Variants in ZZZ3 observed in about 807,000 individuals in gnomAD.
ZZZ3 encodes zinc finger ZZ-type containing 3, also known as ZZ-type zinc finger-containing protein 3.
ZZZ3 carries 22 observed loss-of-function variants against 95.2 expected under a neutral mutation model. The observed-to-expected ratio is 0.23, with a 90% confidence interval of 0.17 to 0.33. The LOEUF is 0.33. Ranked by LOEUF, ZZZ3 falls within the 10% of genes least tolerant of loss-of-function variation. The pLI is 1.00. For missense variants in ZZZ3, 885 were observed against 1,066.5 expected, an observed-to-expected ratio of 0.83 and a Z score of 2.37; for synonymous variants, 335 against 358.9, an observed-to-expected ratio of 0.93 and a Z score of 0.75.
intron 1 of ZZZ3, among the ~76,000 whole-genome samples, chr1:77,669,454 G>GTTT (rs11432486): frequency 2.2e-4 from 29 of 131,322 alleles, no homozygotes; most frequent in African/African-American, 3.7e-4. Context: ...TTCTTTCTCA[G>GTTT]TTTTTTTTTT....
chr1:77,653,658 C>A (rs1325426971), intron 1 of ZZZ3, among the ~76,000 whole-genome samples: 1 of 152,054 alleles, frequency 6.6e-6, no homozygotes, highest in African/African-American at 2.4e-5. Flanking sequence ...GAGGCTGAGG[C>A]AGGAGAATCA....
intron 3 of ZZZ3, chr1:77,641,158 T>C (rs1300195330): frequency 6.2e-6 from 1 of 160,062 alleles, no homozygotes; most frequent in African/African-American, 2.4e-5. Flanking sequence ...AAACATTACG[T>C]TTTACAGTGT....
chr1:77,617,978 T>C (rs1337484976), intron 5 of ZZZ3, among the ~76,000 whole-genome samples: 1 of 152,048 alleles, frequency 6.6e-6, no homozygotes, highest in Non-Finnish European at 1.5e-5. Flanking sequence ...AATTGCTGAA[T>C]CATATGGTAA....
At chr1:77,630,346 T>C (rs1667686101) in intron 5 of ZZZ3, among the ~76,000 whole-genome samples, 1 of 151,860 alleles carries the variant, frequency 6.6e-6, no homozygotes, top group Admixed American at 6.6e-5. Flanking sequence ...AGTGGTGGCA[T>C]GTGCCTGTAG....
At chr1:77,584,860 G>A in intron 5 of ZZZ3, 4 of 353,164 alleles carry the variant, frequency 1.1e-5, no homozygotes, top group Non-Finnish European at 1.5e-5. Flanking sequence ...AGAAAGCAAA[G>A]CCTTCTTCCC....
intron 5 of ZZZ3, among the ~76,000 whole-genome samples, chr1:77,586,999 C>T (rs1663143609): frequency 6.6e-6 from 1 of 152,136 alleles, no homozygotes; most frequent in South Asian, 2.1e-4. Flanking sequence ...ATTAATTCAA[C>T]AATTATCTAC....
chr1:77,673,041 T>C (rs926897637), intron 1 of ZZZ3, among the ~76,000 whole-genome samples: 1 of 152,212 alleles, frequency 6.6e-6, no homozygotes, highest in Non-Finnish European at 1.5e-5. Flanking sequence ...TACACGTCAC[T>C]CTTAATCATG....
chr1:77,590,027 C>G (rs966132587), intron 5 of ZZZ3, among the ~76,000 whole-genome samples: 3 of 152,292 alleles, frequency 2.0e-5, no homozygotes, highest in African/African-American at 7.2e-5. Flanking sequence ...CAAGGACACT[C>G]TGCCAAAATA....
intron 5 of ZZZ3, among the ~76,000 whole-genome samples, chr1:77,618,231 GC>G (rs1666506265): frequency 8.1e-6 from 1 of 122,742 alleles, no homozygotes; most frequent in South Asian, 2.9e-4. Context: ...GACCAATGCA[GC>G]CTTTTTTTTT....
chr1:77,676,875 A>G (rs376053370), intron 1 of ZZZ3: 20 of 152,336 alleles, frequency 1.3e-4, no homozygotes, highest in African/African-American at 4.8e-4. Context: ...AAAATTACCA[A>G]TTTGGAGGAA....
chr1:77,571,282 G>T, intron 12 of ZZZ3, among the ~76,000 whole-genome samples: 1 of 150,430 alleles, frequency 6.6e-6, no homozygotes, highest in East Asian at 1.9e-4. Context: ...GGCTACTACT[G>T]AAAAAATAAA....
At chr1:77,569,927 A>T (rs562374537) in intron 12 of ZZZ3, among the ~76,000 whole-genome samples, 15 of 152,258 alleles carry the variant, frequency 9.9e-5, no homozygotes, top group African/African-American at 3.6e-4. Flanking sequence ...TCCTAAAAGC[A>T]TCCCCAATTC....
intron 5 of ZZZ3, among the ~76,000 whole-genome samples, chr1:77,616,416 A>T (rs555462375): frequency 6.6e-6 from 1 of 152,324 alleles, no homozygotes; most frequent in African/African-American, 2.4e-5. Flanking sequence ...TGTTACTAGG[A>T]TTCTGTAACC....
chr1:77,659,975 G>C, intron 1 of ZZZ3, among the ~76,000 whole-genome samples: 1 of 152,128 alleles, frequency 6.6e-6, no homozygotes, highest in Non-Finnish European at 1.5e-5. Flanking sequence ...TAGGACTACA[G>C]GGGCTTGCCA....
intron 1 of ZZZ3, among the ~76,000 whole-genome samples, chr1:77,660,855 T>C (rs917293580): frequency 6.6e-6 from 1 of 152,210 alleles, no homozygotes; most frequent in African/African-American, 2.4e-5. Flanking sequence ...TCTGGACTAA[T>C]TTCTATTTCT....
At chr1:77,646,397 T>A (rs1669280231) in intron 1 of ZZZ3, among the ~76,000 whole-genome samples, 1 of 152,006 alleles carries the variant, frequency 6.6e-6, no homozygotes, top group Non-Finnish European at 1.5e-5. Flanking sequence ...ATTTTTGTAT[T>A]TTTTGTAGAG....
intron 6 of ZZZ3, among the ~76,000 whole-genome samples, chr1:77,582,711 G>C (rs1489766047): frequency 6.7e-6 from 1 of 149,262 alleles, no homozygotes; most frequent in Non-Finnish European, 1.5e-5. Context: ...TAACCTCATG[G>C]TTATTAAAAT....
chr1:77,679,084 A>C (rs1362906827), intron 1 of ZZZ3, among the ~76,000 whole-genome samples: 1 of 152,228 alleles, frequency 6.6e-6, no homozygotes, highest in Non-Finnish European at 1.5e-5. Context: ...GGTGAGAACG[A>C]AAGGGTCAAA....
rs1271356125 is a variant in ZZZ3 at position 77,576,129 on chromosome 1, T to C, written c.2270A>G (p.Asp757Gly). The change falls in exon 12 of 15, where the codon GAT (aspartate) becomes GGT (glycine). Residue 757 changes from aspartate to glycine, a missense_variant. This residue lies in a region of ZZZ3 where 221 missense variants were observed against 247.8 expected (regional missense o/e 0.89). Coordinates refer to ENST00000370801, the MANE Select transcript of ZZZ3 (RefSeq NM_015534.6). ...AAAACAAGATCGGTCATCATCTTCA[T>C]CCATATACACTGGCGGTTCATGTGA... ...MTSHEPPVYM[D>G]EDDDRSCFHS... is the part of the protein sequence containing the mutation. 1.2e-6 allele frequency: 2 copies of C among 1,613,242 alleles called. No individual in the cohort carries two copies. Among genetic ancestry groups the C allele is most frequent in the East Asian group, 2.2e-5 (1 of 44,844 alleles).
Sources: allele counts gnomAD v4.1 joint callset (sites outside exome capture counted in the v4.1 genomes callset), GRCh38; gene constraint gnomAD v4.1.1; regional missense constraint gnomAD v4.1.1; transcripts MANE v1.5; gene names NCBI Gene and HGNC (gene_info 2026-07-23, HGNC 2026-07-21).